MTDH: variants seen among roughly 807,000 people sequenced by gnomAD.
MTDH encodes the protein protein LYRIC.
A neutral mutation model predicts 72.7 loss-of-function variants in MTDH; 34 were observed. The observed-to-expected ratio is 0.47, with a 90% CI of 0.36 to 0.62. MTDH has a LOEUF of 0.62. Ranked by LOEUF, MTDH falls within the 20% of genes least tolerant of loss-of-function variation. The pLI is 0.00. For missense variants in MTDH, 677 were observed against 699.4 expected (o/e 0.97, Z 0.36); for synonymous variants, 266 against 268.9 (o/e 0.99, Z 0.10).
At chr8:97,689,960 C>T (rs1446077337) in intron 5 of MTDH, among the ~76,000 whole-genome samples, 1 of 149,346 alleles carries the variant, frequency 6.7e-6, no homozygotes, top group African/African-American at 2.5e-5. Flanking sequence ...CCACCCACTG[C>T]AGCCTCCCAA....
In MTDH at chr8:97,719,027, AATAGGTT is replaced by A. The variant is rs1322715965; in HGVS notation, c.1381-19_1381-13del. 12 of 1,566,248 alleles carry A rather than the reference AATAGGTT, an allele frequency of 7.7e-6. No homozygotes were observed. Among genetic ancestry groups the A allele is most frequent in the Non-Finnish European group, 1.0e-5 (12 of 1,151,640 alleles). ...GAAGAATGAATGCTTTATATAATCT[AATAGGTT>A]ATTTTTCTCTATAGGACACAGAAGA... On this transcript the variant is annotated splice_polypyrimidine_tract_variant and intron_variant, in intron 9 of 11. Transcript: ENST00000336273.
At chr8:97,667,665 G>T (rs1586219169) in intron 2 of MTDH, among the ~76,000 whole-genome samples, 1 of 152,180 alleles carries the variant, frequency 6.6e-6, no homozygotes, top group Non-Finnish European at 1.5e-5. Context: ...TGTTGCAAAT[G>T]ATAACATGAC....
chr8:97,673,428 G>A (rs549023339), intron 2 of MTDH, among the ~76,000 whole-genome samples: 1 of 152,332 alleles, frequency 6.6e-6, no homozygotes, highest in Admixed American at 6.5e-5. Context: ...GGAGGCCAAG[G>A]TGGGTGGATC....
At chr8:97,684,192 A>T (rs1372802492) in intron 2 of MTDH, among the ~76,000 whole-genome samples, 1 of 151,864 alleles carries the variant, frequency 6.6e-6, no homozygotes, top group African/African-American at 2.4e-5. Flanking sequence ...TAAGTGTAAA[A>T]TACATGCCAG....
intron 3 of MTDH, 79 bp downstream of exon 3, chr8:97,686,831 G>T: frequency 1.0e-6 from 1 of 958,256 alleles, no homozygotes; most frequent in Non-Finnish European, 1.5e-6. Flanking sequence ...AGCTGCATTT[G>T]TTTTACTTAA....
At chr8:97,716,325 G>A (rs1226562120) in intron 9 of MTDH, among the ~76,000 whole-genome samples, 1 of 152,116 alleles carries the variant, frequency 6.6e-6, no homozygotes, top group Non-Finnish European at 1.5e-5. Flanking sequence ...GGCGGAGGTT[G>A]CGGTGAGCCA....
intron 6 of MTDH, among the ~76,000 whole-genome samples, chr8:97,696,935 A>G (rs572236048): frequency 2.0e-5 from 3 of 150,880 alleles, no homozygotes; most frequent in Non-Finnish European, 2.9e-5. Flanking sequence ...CTGGGCAACT[A>G]CATCACCACA....
intron 1 of MTDH, among the ~76,000 whole-genome samples, chr8:97,654,515 A>G (rs1259058724): frequency 6.6e-6 from 1 of 151,868 alleles, no homozygotes; most frequent in Non-Finnish European, 1.5e-5. Context: ...ATCAACTACA[A>G]TGATGCCTCT....
intron 2 of MTDH, among the ~76,000 whole-genome samples, chr8:97,670,936 T>TG (rs1812590074): frequency 2.0e-5 from 3 of 148,568 alleles, no homozygotes; most frequent in Admixed American, 1.3e-4. Context: ...TTTTTGTTTT[T>TG]TTTGTTGTTG....
intron 4 of MTDH, among the ~76,000 whole-genome samples, chr8:97,688,467 G>A (rs1586247671): frequency 6.6e-6 from 1 of 152,182 alleles, no homozygotes; most frequent in Middle Eastern, 3.4e-3. Flanking sequence ...CTTTTTCGCT[G>A]TCTTGTGCAT....
intron 8 of MTDH, among the ~76,000 whole-genome samples, chr8:97,709,406 A>G (rs1278780761): frequency 6.6e-6 from 1 of 152,192 alleles, no homozygotes; most frequent in East Asian, 1.9e-4. Flanking sequence ...GACATTTAAC[A>G]CAATAGAACC....
At position 97,719,139 on chromosome 8, in the gene MTDH, A is replaced by G. The variant is rs1421385755; in HGVS notation, c.1471A>G (p.Lys491Glu). ...AAAACAGGAAAAAGCTTTTTCCTTG[A>G]AGACCATAAGCACTAGTGATCCAGC... ...RPKQEKAFSLKTISTSDPAEV... is the reference protein window; with the variant it reads ...RPKQEKAFSLETISTSDPAEV... The change falls in exon 10 of 12, where the codon AAG becomes GAG. Residue 491 changes from lysine to glutamate, a missense_variant. By Grantham distance (56) the Lys-to-Glu change is moderately conservative (BLOSUM62 1). This residue lies in a region of MTDH where 201 missense variants were observed against 204.5 expected (regional missense o/e 0.98). Coordinates refer to ENST00000336273, the MANE Select transcript of MTDH (RefSeq NM_178812.4). The G allele has an allele frequency of 1.9e-6, 3 of 1,614,014 alleles. No individual in the cohort carries two copies. The highest frequency in any genetic ancestry group is 1.3e-5 in the African/African-American group (1 of 74,938).
intron 9 of MTDH, among the ~76,000 whole-genome samples, chr8:97,715,795 G>A (rs983567323): frequency 6.6e-6 from 1 of 152,204 alleles, no homozygotes; most frequent in Non-Finnish European, 1.5e-5. Context: ...GATTAGTGGA[G>A]CTCCTTTTAA....
intron 2 of MTDH, among the ~76,000 whole-genome samples, chr8:97,683,930 G>A (rs907105318): frequency 6.6e-6 from 1 of 152,040 alleles, no homozygotes; most frequent in Non-Finnish European, 1.5e-5. Flanking sequence ...TGACCAACAT[G>A]GAAAAACCCC....
Position 97,644,785 on chromosome 8 carries a change from G to A in MTDH, c.279G>A (p.Ala93=), listed in dbSNP as rs1166850207. 2 of 1,546,258 alleles carry A rather than the reference G, an allele frequency of 1.3e-6. No individual in the cohort carries two copies. Among genetic ancestry groups the A allele is most frequent in the African/African-American group, 1.5e-5 (1 of 68,636 alleles). The part of the protein sequence containing the change: ...RSPPRKREEA[A]AVPAAAPDDL... ...CGCCCCGCAAGCGGGAGGAGGCGGCGGCCGTGCCGGCCGCGGCCCCCGACG... is the reference window on the plus strand; with the variant it reads ...CGCCCCGCAAGCGGGAGGAGGCGGCAGCCGTGCCGGCCGCGGCCCCCGACG... The change falls in exon 1 of 12, where the codon GCG becomes GCA. Residue 93 remains alanine, a synonymous_variant. Coordinates refer to ENST00000336273, the MANE Select transcript of MTDH (RefSeq NM_178812.4).
intron 9 of MTDH, among the ~76,000 whole-genome samples, chr8:97,717,774 AG>A (rs1403531878): frequency 2.0e-5 from 3 of 152,058 alleles, no homozygotes; most frequent in African/African-American, 7.2e-5. Flanking sequence ...TTTTGAGACA[AG>A]GTCTCACTCT....
At chr8:97,659,817 C>A (rs984414342) in intron 1 of MTDH, among the ~76,000 whole-genome samples, 2 of 152,190 alleles carry the variant, frequency 1.3e-5, no homozygotes, top group Admixed American at 6.5e-5. Flanking sequence ...AGGCCCCATT[C>A]TCCAAACTTC....
intron 9 of MTDH, among the ~76,000 whole-genome samples, chr8:97,716,664 G>A (rs1372233067): frequency 1.3e-5 from 2 of 151,714 alleles, no homozygotes; most frequent in Admixed American, 1.3e-4. Context: ...GAGTGAGACT[G>A]TCTCAAAAAA....
At chr8:97,673,202 A>G (rs1207076501) in intron 2 of MTDH, among the ~76,000 whole-genome samples, 1 of 152,148 alleles carries the variant, frequency 6.6e-6, no homozygotes, top group East Asian at 1.9e-4. Flanking sequence ...CATATTCTCT[A>G]CTGTCTGGTG....
Sources: gnomAD v4.1 joint callset for allele counts (sites outside exome capture counted in the v4.1 genomes callset) on GRCh38, gnomAD v4.1.1 for gene constraint, gnomAD v4.1.1 regional missense constraint, MANE v1.5 for transcripts, NCBI Gene and HGNC (gene_info 2026-07-23, HGNC 2026-07-21) for gene names.